The following MAP3K5 variants were observed in gnomAD, a reference collection of about 807,000 sequenced individuals.
The protein encoded by MAP3K5 is mitogen-activated protein kinase kinase kinase 5, also known as ASK-1.
In MAP3K5, 56 loss-of-function variants were observed where a neutral mutation model predicts 158.7. That is an observed-to-expected ratio of 0.35 (90% CI 0.28 to 0.44). The LOEUF (loss-of-function observed/expected upper bound fraction) is 0.44. Among genes scored for constraint, MAP3K5 ranks in the 20% least tolerant of loss-of-function variants. MAP3K5 has a pLI of 1.00. For synonymous variants in MAP3K5, 579 were observed against 601.7 expected, an observed-to-expected ratio of 0.96 and a Z score of 0.55; for missense variants, 1,294 against 1,674.8, an observed-to-expected ratio of 0.77 and a Z score of 3.97.
intron 1 of MAP3K5, among the ~76,000 whole-genome samples, chr6:136,728,901 C>G (rs890527805): frequency 2.6e-5 from 4 of 151,754 alleles, no homozygotes; most frequent in Admixed American, 6.6e-5. Flanking sequence ...TTGAGAGCCA[C>G]TACACTTACA....
intron 21 of MAP3K5, among the ~76,000 whole-genome samples, chr6:136,599,057 G>A (rs1775759396): frequency 1.3e-5 from 2 of 151,466 alleles, no homozygotes; most frequent in South Asian, 4.2e-4. Context: ...TACAGTCCCA[G>A]CTACTCAGGA....
chr6:136,669,448 G>A, intron 7 of MAP3K5, 53 bp from the exon 8 acceptor site: 12 of 998,724 alleles, frequency 1.2e-5, no homozygotes, highest in Admixed American at 1.8e-5. Flanking sequence ...GAAACCCTGG[G>A]TGTGTAATAG....
chr6:136,792,179 G>C lies in MAP3K5; in HGVS notation c.-22C>G. 3 of 1,531,358 alleles carry C rather than the reference G, an allele frequency of 2.0e-6. No individual in the cohort carries two copies. The highest frequency in any genetic ancestry group is 1.2e-5 in the South Asian group (1 of 83,540). 94.9% of individuals were successfully genotyped at this position (1,531,358 alleles called of 1,614,324 possible). A position where few individuals can be genotyped will look rare whatever the true frequency, so the allele number is the denominator to read the frequency against. ...TCATCTCTCCGGGCCGGGCAGCAAC[G>C]GCGGCGGCGTCCCCCGCCCAGCCGC... is the stretch of plus-strand genomic sequence containing the variant. On this transcript the variant is annotated 5_prime_UTR_variant, in exon 1 of 30. Coordinates refer to ENST00000359015, the MANE Select transcript of MAP3K5 (RefSeq NM_005923.4). This position sits in a 1 kb window ranked among gnomAD's most constrained non-coding sequence, Gnocchi z 5.7.
chr6:136,557,840 T>C (rs1830318390), intron 29 of MAP3K5, 22 bp from the exon 30 acceptor site: 1 of 1,531,948 alleles, frequency 6.5e-7, no homozygotes, highest in African/African-American at 1.4e-5. Flanking sequence ...CACAAGAACA[T>C]GGTGAAACGA....
At chr6:136,592,812 G>A (rs1344248095) in intron 21 of MAP3K5, 198 bp from the exon 22 acceptor site, 2 of 651,116 alleles carry the variant, frequency 3.1e-6, no homozygotes, top group South Asian at 1.5e-5. Context: ...GGGTAGCCAG[G>A]AAAGGGCCTC....
intron 13 of MAP3K5, among the ~76,000 whole-genome samples, chr6:136,638,942 T>G (rs1379840727): frequency 6.6e-6 from 1 of 152,154 alleles, no homozygotes; most frequent in East Asian, 1.9e-4. Context: ...TCTAAAGAAG[T>G]AAGAAGAATT....
chr6:136,678,609 C>T (rs1779802111), intron 7 of MAP3K5, among the ~76,000 whole-genome samples: 4 of 151,922 alleles, frequency 2.6e-5, no homozygotes, highest in Non-Finnish European at 2.9e-5. Context: ...GAGAACTATA[C>T]ATTTACATAT....
chr6:136,653,561 G>T (rs1480372257), intron 10 of MAP3K5, among the ~76,000 whole-genome samples: 1 of 152,262 alleles, frequency 6.6e-6, no homozygotes, highest in Admixed American at 6.5e-5. Flanking sequence ...CTCTATGAGG[G>T]AGAGCACGGG....
In MAP3K5 at chr6:136,562,595, C is replaced by T. The variant is rs377276794; in HGVS notation, c.3782G>A (p.Arg1261Gln). The T allele has an allele frequency of 5.0e-5, 80 of 1,597,998 alleles. No individual in the cohort carries two copies. Among genetic ancestry groups the T allele is most frequent in the Middle Eastern group, 3.3e-4 (2 of 6,038 alleles). ...ETNRLLEELV[R>Q]KEKELQALLH... Reference sequence around the variant, plus strand: ...GAGTGCTTGTAATTCTTTCTCTTTCCGAACCAATTCTTCCAGTAATCTGCA... The same window carrying T: ...GAGTGCTTGTAATTCTTTCTCTTTCTGAACCAATTCTTCCAGTAATCTGCA... The change falls in exon 27 of 30, where the codon CGG (arginine) becomes CAG (glutamine). Residue 1261 changes from arginine to glutamine, a missense_variant. Transcript: ENST00000359015.
intron 7 of MAP3K5, among the ~76,000 whole-genome samples, chr6:136,682,579 G>A (rs1286115996): frequency 6.6e-6 from 1 of 152,194 alleles, no homozygotes; most frequent in African/African-American, 2.4e-5. Flanking sequence ...CAGGCTCGCT[G>A]TTCTTCCCCA....
intron 12 of MAP3K5, among the ~76,000 whole-genome samples, chr6:136,639,926 T>C (rs1777842563): frequency 6.6e-6 from 1 of 152,214 alleles, no homozygotes; most frequent in African/African-American, 2.4e-5. Flanking sequence ...AAAGGTGTCC[T>C]GCCTACTACA....
At chr6:136,740,163 G>A (rs1469299639) in intron 1 of MAP3K5, among the ~76,000 whole-genome samples, 3 of 152,174 alleles carry the variant, frequency 2.0e-5, no homozygotes, top group Non-Finnish European at 4.4e-5. Flanking sequence ...TCCAGCCCTC[G>A]CTCTTCACAG....
intron 1 of MAP3K5, among the ~76,000 whole-genome samples, chr6:136,781,070 G>C (rs1337306823): frequency 2.0e-5 from 3 of 152,164 alleles, no homozygotes; most frequent in Non-Finnish European, 4.4e-5. Flanking sequence ...ATCACATTAA[G>C]GGAAACTGCA....
chr6:136,687,893 C>T (rs565063196), intron 7 of MAP3K5, among the ~76,000 whole-genome samples: 16 of 152,208 alleles, frequency 1.1e-4, no homozygotes, highest in African/African-American at 3.9e-4. Flanking sequence ...CCAGAAATAC[C>T]GTTTGACCCA....
intron 1 of MAP3K5, among the ~76,000 whole-genome samples, chr6:136,789,315 C>CAAATA (rs1218590491): frequency 1.3e-5 from 2 of 152,076 alleles, no homozygotes; most frequent in African/African-American, 4.8e-5. Flanking sequence ...GTCTCTAAAA[C>CAAATA]AAATAAAATA....
intron 1 of MAP3K5, among the ~76,000 whole-genome samples, chr6:136,777,670 G>A (rs1562698524): frequency 6.6e-6 from 1 of 152,192 alleles, no homozygotes. Context: ...ACCTTCAGAG[G>A]TAGCCCAGAT....
chr6:136,645,844 G>A (rs1200657652), intron 11 of MAP3K5, among the ~76,000 whole-genome samples: 1 of 152,078 alleles, frequency 6.6e-6, no homozygotes, highest in African/African-American at 2.4e-5. Flanking sequence ...TGAGAGGAGT[G>A]ACTAAAGAAA....
chr6:136,718,006 T>C (rs1316332517), intron 2 of MAP3K5, among the ~76,000 whole-genome samples: 2 of 152,208 alleles, frequency 1.3e-5, no homozygotes, highest in Non-Finnish European at 2.9e-5. Flanking sequence ...GATATAATTT[T>C]AACTAGAAGT....
chr6:136,594,066 G>A (rs1237458192), intron 21 of MAP3K5, among the ~76,000 whole-genome samples: 2 of 152,296 alleles, frequency 1.3e-5, no homozygotes, highest in Admixed American at 1.3e-4. Flanking sequence ...TATTTAAATA[G>A]TTCTGTAGCT....
Sources: gnomAD v4.1 joint callset for allele counts (sites outside exome capture counted in the v4.1 genomes callset) on GRCh38, gnomAD v4.1.1 for gene constraint, Gnocchi (gnomAD v3.1) non-coding constraint, MANE v1.5 for transcripts, NCBI Gene and HGNC (gene_info 2026-07-23, HGNC 2026-07-21) for gene names.